Variants in GYPC observed in about 807,000 individuals in gnomAD.
The protein encoded by GYPC is glycophorin C (Gerbich blood group).
In GYPC, 14 loss-of-function variants were observed where a neutral mutation model predicts 12.6. The observed-to-expected ratio is 1.11, with a 90% confidence interval of 0.74 to 1.74. GYPC has a LOEUF of 1.74. Among genes scored for constraint, GYPC ranks in the 40% most tolerant of loss-of-function variants. The pLI, the probability that GYPC is intolerant of heterozygous loss-of-function variation, is 0.00. For missense variants in GYPC, 225 were observed against 172.1 expected (o/e 1.31, Z -1.72); for synonymous variants, 78 against 62.1 (o/e 1.26, Z -1.20).
chr2:126,689,691 G>T lies in GYPC; in HGVS notation c.50-564G>T, dbSNP rs867327328. On this transcript the variant is annotated intron_variant, in intron 1 of 3. Transcript: ENST00000259254. ...CTATATCACCTTGTGGTCTCTTTGC[G>T]AATGTCAGATCCCCTTCTGCTTTTT... Among the ~76,000 whole-genome samples the T allele has an allele frequency of 2.0e-5, 3 of 152,034 alleles. No individual in the cohort carries two copies. In the East Asian group the frequency reaches 5.8e-4, roughly 29 times the overall value.
chr2:126,691,210 T>C (rs1401653420), intron 2 of GYPC, among the ~76,000 whole-genome samples: 4 of 152,254 alleles, frequency 2.6e-5, no homozygotes, highest in Admixed American at 2.0e-4. Context: ...ACCTGCATTC[T>C]AAGAAAAGAC....
chr2:126,681,143 G>A (rs377269163), intron 1 of GYPC, among the ~76,000 whole-genome samples: 23 of 152,090 alleles, frequency 1.5e-4, no homozygotes, highest in Non-Finnish European at 2.4e-4. Flanking sequence ...CTCCTAACCC[G>A]TCTACTTCTT....
At chr2:126,677,288 AGT>A (rs1226977318) in intron 1 of GYPC, among the ~76,000 whole-genome samples, 5 of 150,674 alleles carry the variant, frequency 3.3e-5, no homozygotes, top group Non-Finnish European at 7.4e-5. Flanking sequence ...AGAGTGTGTG[AGT>A]GTGTTAGAGT....
chr2:126,657,479 T>A lies in GYPC; in HGVS notation c.49+1167T>A, dbSNP rs928968541. 3.9e-5 allele frequency: 6 copies of A among 152,342 alleles called. 1 individual carries two copies. Among genetic ancestry groups the A allele is most frequent in the African/African-American group, 1.2e-4 (5 of 41,574 alleles). The allele number at this position is 152,342 out of a possible 1,614,324, so 9.4% of individuals were successfully genotyped here. A position where few individuals can be genotyped will look rare whatever the true frequency, so the allele number is the denominator to read the frequency against. ...CAGCAGCACGAAGTGCGTATAAATG[T>A]CCCGGCACGGAGTCTGACACATCCT... is the stretch of plus-strand genomic sequence containing the variant. On this transcript the variant is annotated intron_variant, in intron 1 of 3. Transcript: ENST00000259254.
intron 2 of GYPC, among the ~76,000 whole-genome samples, chr2:126,691,053 T>C (rs1359864152): frequency 1.3e-5 from 2 of 152,022 alleles, no homozygotes; most frequent in African/African-American, 4.8e-5. Context: ...TTATTCTTCC[T>C]AGGTGATATT....
intron 1 of GYPC, among the ~76,000 whole-genome samples, chr2:126,687,859 C>T (rs1360174003): frequency 6.6e-6 from 1 of 152,146 alleles, no homozygotes; most frequent in African/African-American, 2.4e-5. Flanking sequence ...AACCAGAAGC[C>T]AAGAAATGCA....
intron 3 of GYPC, among the ~76,000 whole-genome samples, chr2:126,694,939 AC>A (rs1421173138): frequency 6.6e-6 from 1 of 151,324 alleles, no homozygotes; most frequent in Non-Finnish European, 1.5e-5. Context: ...GTACTTCCCC[AC>A]CCCTCTGGAG....
chr2:126,693,787 A>C, intron 2 of GYPC, 77 bp from the exon 3 acceptor site: 1 of 950,090 alleles, frequency 1.1e-6, no homozygotes, highest in Non-Finnish European at 1.7e-6. Flanking sequence ...TGAGCAAAGG[A>C]TGCAGCTTGG....
intron 3 of GYPC, 58 bp from the exon 4 acceptor site, chr2:126,695,888 A>G (rs967149275): frequency 1.4e-6 from 2 of 1,399,090 alleles, no homozygotes; most frequent in African/African-American, 2.8e-5. Context: ...CTTGACCACC[A>G]TCCCAGGCCC....
At chr2:126,668,075 TA>T (rs1426274587) in intron 1 of GYPC, among the ~76,000 whole-genome samples, 2 of 152,138 alleles carry the variant, frequency 1.3e-5, no homozygotes, top group Non-Finnish European at 2.9e-5. Context: ...GCTTTGAGAT[TA>T]AGGCCACATC....
chr2:126,673,136 G>T (rs28387134), intron 1 of GYPC, among the ~76,000 whole-genome samples: 2 of 152,052 alleles, frequency 1.3e-5, no homozygotes, highest in African/African-American at 4.8e-5. Flanking sequence ...GCAAGTGAGC[G>T]AAGCCCTCCA....
intron 1 of GYPC, among the ~76,000 whole-genome samples, chr2:126,667,779 T>A (rs1025334145): frequency 5.3e-5 from 8 of 152,156 alleles, no homozygotes; most frequent in African/African-American, 1.7e-4. Flanking sequence ...AGCCTTGAAC[T>A]TTTCATCCAC....
At chr2:126,680,632 A>G (rs1177800138) in intron 1 of GYPC, among the ~76,000 whole-genome samples, 2 of 152,174 alleles carry the variant, frequency 1.3e-5, no homozygotes, top group African/African-American at 4.8e-5. Flanking sequence ...TGCAGAAGCA[A>G]GGGACTGGGG....
At position 126,664,096 on chromosome 2, in the gene GYPC, T is replaced by C. The variant is rs76892436; in HGVS notation, c.49+7784T>C. ...TGCTTGATCATGCCCTGGATGGATT[T>C]GTCATATTAATCCCTTTCCTTCAAC... On this transcript the variant is annotated intron_variant, in intron 1 of 3. Coordinates refer to ENST00000259254, the MANE Select transcript of GYPC (RefSeq NM_002101.5). Among the ~76,000 whole-genome samples, 1,097 of 152,244 alleles carry C rather than the reference T, an allele frequency of 7.2e-3. 15 individuals carry two copies. Among genetic ancestry groups the C allele is most frequent in the African/African-American group, 0.025 (1,027 of 41,542 alleles).
At chr2:126,658,839 G>C (rs1682444438) in intron 1 of GYPC, 1 of 151,902 alleles carries the variant, frequency 6.6e-6, no homozygotes, top group Admixed American at 6.6e-5. Context: ...TCTTTAATCA[G>C]TTCCTCTGCT....
chr2:126,689,436 G>C (rs1683389151), intron 1 of GYPC, among the ~76,000 whole-genome samples: 1 of 152,010 alleles, frequency 6.6e-6, no homozygotes, highest in East Asian at 1.9e-4. Context: ...GCTATGGTTT[G>C]GATGTGGTTT....
At chr2:126,684,648 G>A (rs1176043986) in intron 1 of GYPC, among the ~76,000 whole-genome samples, 7 of 152,190 alleles carry the variant, frequency 4.6e-5, no homozygotes, top group South Asian at 2.1e-4. Context: ...GTTACACAGC[G>A]TGCTCCTGAT....
chr2:126,663,949 GGTCTCT>G (rs1328616849), intron 1 of GYPC, among the ~76,000 whole-genome samples: 2 of 119,564 alleles, frequency 1.7e-5, no homozygotes, highest in Non-Finnish European at 3.4e-5. Flanking sequence ...CTAAGGTTCT[GGTCTCT>G]CTCTCTCTCT....
chr2:126,665,664 G>A (rs1210259675), intron 1 of GYPC, among the ~76,000 whole-genome samples: 3 of 152,200 alleles, frequency 2.0e-5, no homozygotes, highest in African/African-American at 4.8e-5. Context: ...GGATGCCGAC[G>A]CAGGGCAAAG....
Sources: allele counts gnomAD v4.1 joint callset (sites outside exome capture counted in the v4.1 genomes callset), GRCh38; gene constraint gnomAD v4.1.1; transcripts MANE v1.5; gene names NCBI Gene and HGNC (gene_info 2026-07-23, HGNC 2026-07-21).